The following ARHGEF11 variants were observed in gnomAD, a reference collection of about 807,000 sequenced individuals.
ARHGEF11 encodes Rho guanine nucleotide exchange factor 11.
A neutral mutation model predicts 193.7 loss-of-function variants in ARHGEF11; 55 were observed. The observed-to-expected ratio is 0.28, with a 90% confidence interval of 0.23 to 0.36. ARHGEF11 has a LOEUF of 0.36. Ranked by LOEUF, ARHGEF11 falls within the 10% of genes least tolerant of loss-of-function variation. The pLI is 1.00. For missense variants in ARHGEF11, 1,723 were observed against 2,005.6 expected, an observed-to-expected ratio of 0.86 and a Z score of 2.69; for synonymous variants, 693 against 768.0, an observed-to-expected ratio of 0.90 and a Z score of 1.62.
At chr1:156,936,494 AAAAATATAT>A (rs1348953782) in intron 40 of ARHGEF11, among the ~76,000 whole-genome samples, 39 of 90,224 alleles carry the variant, frequency 4.3e-4, no homozygotes, top group African/African-American at 1.9e-3. Flanking sequence ...AAAAAAAAAA[AAAAATATAT>A]ATATATATAT....
In ARHGEF11 at chr1:157,044,385, G is replaced by T; in HGVS notation, c.-55C>A. 1 of 1,583,446 alleles carries T rather than the reference G, an allele frequency of 6.3e-7. No homozygotes were observed. The highest frequency in any genetic ancestry group is 8.7e-7 in the Non-Finnish European group (1 of 1,154,390). ...TCCTGTAGCTTTGGTGTCTTGATCA[G>T]GATTGAATCGCTTGCAATTTTTGAG... On this transcript the variant is annotated 5_prime_UTR_variant, in exon 1 of 41. In the 5' UTR this introduces an upstream ATG that the reference lacks. Transcript: ENST00000368194.
chr1:156,996,974 G>T (rs1158469854), intron 1 of ARHGEF11, among the ~76,000 whole-genome samples: 1 of 148,080 alleles, frequency 6.8e-6, no homozygotes, highest in African/African-American at 2.5e-5. Context: ...TGATCCTTCC[G>T]CCTCAGCCTC....
In ARHGEF11 at chr1:156,946,047, T is replaced by C; in HGVS notation, c.2810A>G (p.Glu937Gly). ...LLLESIIKHTEGGTSEHEKLC... is the reference protein window; with the variant it reads ...LLLESIIKHTGGGTSEHEKLC... ...GCCAGCCCCTCCCCAGGTGCTACCCTCTGTGTGCTTGATGATGCTCTCCAG... is the reference window on the plus strand; with the variant it reads ...GCCAGCCCCTCCCCAGGTGCTACCCCCTGTGTGCTTGATGATGCTCTCCAG... The change falls in exon 29 of 41, where the codon GAG (glutamate) becomes GGG (glycine). Residue 937 changes from glutamate (E) to glycine (G), a missense_variant and splice_region_variant. Around this residue, in one of 5 missense-constraint regions of ARHGEF11, gnomAD observed 491 missense variants for 654.5 expected, o/e 0.75. Transcript: ENST00000368194. 2 of 1,612,442 alleles carry C rather than the reference T, an allele frequency of 1.2e-6. No individual in the cohort carries two copies. The highest frequency in any genetic ancestry group is 2.2e-5 in the South Asian group (2 of 91,018).
intron 1 of ARHGEF11, among the ~76,000 whole-genome samples, chr1:157,032,211 G>T (rs1157142590): frequency 6.6e-6 from 1 of 152,100 alleles, no homozygotes; most frequent in Non-Finnish European, 1.5e-5. Context: ...TCCCAGATGG[G>T]GAGCTTACGT....
chr1:156,946,842 AC>A, intron 27 of ARHGEF11, 55 bp from the exon 28 acceptor site: 2 of 1,595,332 alleles, frequency 1.3e-6, no homozygotes, highest in Non-Finnish European at 1.7e-6. Context: ...CTGGGACCAG[AC>A]CCCTGCCTTT....
rs968108752 is a variant in ARHGEF11 at position 156,940,072 on chromosome 1, C to T, written c.3733+135G>A. The T allele has an allele frequency of 5.0e-6, 7 of 1,399,776 alleles. No individual in the cohort carries two copies. The African/African-American group carries it at 1.0e-4, about 20-fold the overall frequency. The allele number at this position is 1,399,776 out of a possible 1,614,324, so 86.7% of individuals were successfully genotyped here. A position where few individuals can be genotyped will look rare whatever the true frequency, so the allele number is the denominator to read the frequency against. On this transcript the variant is annotated intron_variant, in intron 36 of 40. Transcript: ENST00000368194. Reference sequence around the variant, plus strand: ...GTGGGGGTTGGGTGGGGAATGACATCTGTCTCCGCATCCATCTCTCCTCAA... The same window carrying T: ...GTGGGGGTTGGGTGGGGAATGACATTTGTCTCCGCATCCATCTCTCCTCAA...
At chr1:157,001,726 C>T (rs961591030) in intron 1 of ARHGEF11, among the ~76,000 whole-genome samples, 3 of 152,148 alleles carry the variant, frequency 2.0e-5, no homozygotes, top group Admixed American at 6.5e-5. Flanking sequence ...AGCAGTGGCT[C>T]CTACCACTTC....
chr1:156,991,759 C>T (rs1665763117), intron 1 of ARHGEF11, among the ~76,000 whole-genome samples: 1 of 137,570 alleles, frequency 7.3e-6, no homozygotes, highest in Non-Finnish European at 1.5e-5. Flanking sequence ...CTCTGTCGCC[C>T]AGGCTGGAGT....
At chr1:157,030,638 TA>T (rs1671184983) in intron 1 of ARHGEF11, among the ~76,000 whole-genome samples, 1 of 151,784 alleles carries the variant, frequency 6.6e-6, no homozygotes, top group Non-Finnish European at 1.5e-5. Flanking sequence ...TTGACAGGGG[TA>T]TAGGAAAAGA....
At chr1:156,992,005 C>T (rs1016694251) in intron 1 of ARHGEF11, among the ~76,000 whole-genome samples, 8 of 152,026 alleles carry the variant, frequency 5.3e-5, no homozygotes, top group Admixed American at 2.6e-4. Flanking sequence ...CGTGAGCCAC[C>T]GCGCCCGGCC....
intron 1 of ARHGEF11, among the ~76,000 whole-genome samples, chr1:157,011,916 T>C (rs1046422273): frequency 6.6e-6 from 1 of 152,142 alleles, no homozygotes; most frequent in Non-Finnish European, 1.5e-5. Flanking sequence ...TGGAAAATAG[T>C]TTCACAGTTC....
chr1:156,941,620 C>T (rs962825766), intron 34 of ARHGEF11, among the ~76,000 whole-genome samples, 187 bp from the exon 35 acceptor site: 2 of 152,222 alleles, frequency 1.3e-5, no homozygotes, highest in Non-Finnish European at 2.9e-5. Flanking sequence ...CTCTACATCC[C>T]CCTCACCCTT....
At chr1:156,990,808 T>C (rs1379550867) in intron 1 of ARHGEF11, among the ~76,000 whole-genome samples, 1 of 152,206 alleles carries the variant, frequency 6.6e-6, no homozygotes, top group Non-Finnish European at 1.5e-5. Flanking sequence ...CCTTGCTTTC[T>C]GGCACAAAAA....
At chr1:156,972,436 C>T (rs1999754) in intron 7 of ARHGEF11, among the ~76,000 whole-genome samples, 31,563 of 152,126 alleles carry the variant, frequency 0.21, 3,536 homozygotes, top group East Asian at 0.44. Context: ...TGACAATACC[C>T]GCCTCATGGG....
chr1:156,935,840 G>A lies in ARHGEF11; in HGVS notation c.*160C>T. 1.3e-6 allele frequency: 1 copy of A among 775,902 alleles called. No individual in the cohort carries two copies. Among genetic ancestry groups the A allele is most frequent in the Non-Finnish European group, 2.0e-6 (1 of 489,410 alleles). The allele number at this position is 775,902 out of a possible 1,614,324, so 48.1% of individuals were successfully genotyped here. A position where few individuals can be genotyped will look rare whatever the true frequency, so the allele number is the denominator to read the frequency against. Reference sequence around the variant, plus strand: ...CCTGACTCCGACTTGAGCAGACCAAGCAACATGCGGGTCTCCCCCCGGGCC... The same window carrying A: ...CCTGACTCCGACTTGAGCAGACCAAACAACATGCGGGTCTCCCCCCGGGCC... On this transcript the variant is annotated 3_prime_UTR_variant, in exon 41 of 41. Transcript: ENST00000368194.
intron 14 of ARHGEF11, 34 bp from the exon 15 acceptor site, chr1:156,960,494 G>C: frequency 6.2e-7 from 1 of 1,610,808 alleles, no homozygotes; most frequent in Non-Finnish European, 8.5e-7. Context: ...GAAGCAGTCA[G>C]GTCTGCACAC....
chr1:157,021,018 T>C (rs552439145), intron 1 of ARHGEF11, among the ~76,000 whole-genome samples: 2 of 152,366 alleles, frequency 1.3e-5, no homozygotes, highest in South Asian at 4.1e-4. Context: ...AAATGTGTAA[T>C]AGCCTGTGCA....
intron 1 of ARHGEF11, among the ~76,000 whole-genome samples, chr1:157,017,725 A>AG (rs1669448696): frequency 3.3e-5 from 5 of 150,590 alleles, no homozygotes; most frequent in Admixed American, 2.6e-4. Flanking sequence ...AAAAAAAAAA[A>AG]AAAAAAGAAA....
chr1:156,940,493 C>G, intron 35 of ARHGEF11, 68 bp from the exon 36 acceptor site: 1 of 1,446,722 alleles, frequency 6.9e-7, no homozygotes, highest in South Asian at 1.4e-5. Context: ...AGCCTATGGG[C>G]AGCTTTGGAG....
Sources: allele counts gnomAD v4.1 joint callset (sites outside exome capture counted in the v4.1 genomes callset), GRCh38; gene constraint gnomAD v4.1.1; regional missense constraint gnomAD v4.1.1; transcripts MANE v1.5; gene names NCBI Gene and HGNC (gene_info 2026-07-23, HGNC 2026-07-21).